BRINP3: variants seen among roughly 807,000 people sequenced by gnomAD.
BRINP3 encodes the protein BMP/retinoic acid inducible neural specific 3.
BRINP3 carries 19 observed loss-of-function variants against 71.0 expected under a neutral mutation model. The observed-to-expected ratio is 0.27, with a 90% CI of 0.19 to 0.39. The LOEUF (loss-of-function observed/expected upper bound fraction) is 0.39. Ranked by LOEUF, BRINP3 falls within the 10% of genes least tolerant of loss-of-function variation. BRINP3 has a pLI of 1.00. For missense variants in BRINP3, 959 were observed against 940.8 expected, an observed-to-expected ratio of 1.02 and a Z score of -0.25; for synonymous variants, 380 against 337.7, an observed-to-expected ratio of 1.13 and a Z score of -1.37.
intron 4 of BRINP3, among the ~76,000 whole-genome samples, chr1:190,237,765 A>G (rs1034396014): frequency 6.6e-6 from 1 of 152,024 alleles, no homozygotes; most frequent in African/African-American, 2.4e-5. Context: ...GGTTATATCA[A>G]AGTAACTTCT....
chr1:190,112,128 T>C (rs1281094832), intron 7 of BRINP3, among the ~76,000 whole-genome samples: 2 of 152,052 alleles, frequency 1.3e-5, no homozygotes, highest in African/African-American at 4.8e-5. Context: ...ACATATAACT[T>C]AGTACAACAA....
intron 2 of BRINP3, among the ~76,000 whole-genome samples, chr1:190,338,574 A>G (rs1342399382): frequency 6.6e-6 from 1 of 152,072 alleles, no homozygotes; most frequent in East Asian, 1.9e-4. Flanking sequence ...AAAACAAATG[A>G]TGCATATCAA....
chr1:190,186,097 T>C (rs1653493627), intron 6 of BRINP3, among the ~76,000 whole-genome samples: 1 of 152,112 alleles, frequency 6.6e-6, no homozygotes, highest in Non-Finnish European at 1.5e-5. Context: ...AAGTAAAGGC[T>C]GGTCACGGTG....
intron 2 of BRINP3, among the ~76,000 whole-genome samples, chr1:190,398,973 G>A (rs1671755757): frequency 6.6e-6 from 1 of 151,856 alleles, no homozygotes; most frequent in Non-Finnish European, 1.5e-5. Flanking sequence ...TTAAAGAGTG[G>A]TCATATGTCC....
At chr1:190,272,150 G>A (rs916217490) in intron 3 of BRINP3, among the ~76,000 whole-genome samples, 2 of 151,606 alleles carry the variant, frequency 1.3e-5, no homozygotes, top group Admixed American at 1.3e-4. Context: ...AGATTAATAT[G>A]ACTTCTTACT....
At chr1:190,345,393 A>C (rs1324520589) in intron 2 of BRINP3, among the ~76,000 whole-genome samples, 1 of 151,850 alleles carries the variant, frequency 6.6e-6, no homozygotes, top group Non-Finnish European at 1.5e-5. Flanking sequence ...ACCTGGAATC[A>C]GGAAGAACAT....
intron 2 of BRINP3, among the ~76,000 whole-genome samples, chr1:190,445,993 T>A (rs1258038956): frequency 6.6e-6 from 1 of 152,156 alleles, no homozygotes; most frequent in Admixed American, 6.5e-5. Context: ...AAATTATTAC[T>A]TATAAATTGT....
At chr1:190,442,801 C>CGT (rs35183761) in intron 2 of BRINP3, among the ~76,000 whole-genome samples, 3,208 of 132,724 alleles carry the variant, frequency 0.024, 134 homozygotes, top group African/African-American at 0.07. Context: ...CATGCCTGTG[C>CGT]GTGTGTGTGT....
intron 6 of BRINP3, among the ~76,000 whole-genome samples, chr1:190,182,296 C>G (rs1219133422): frequency 1.3e-5 from 2 of 152,004 alleles, no homozygotes; most frequent in Non-Finnish European, 2.9e-5. Flanking sequence ...TTTTCCTCTT[C>G]TTGCAGGCTT....
chr1:190,121,420 T>TACATACATAGTGA (rs1653647940), intron 7 of BRINP3, among the ~76,000 whole-genome samples: 1 of 152,118 alleles, frequency 6.6e-6, no homozygotes, highest in Admixed American at 6.6e-5. Context: ...TTAAGGTAAC[T>TACATACATAGTGA]TAAAACAAAG....
chr1:190,351,699 A>G (rs1668396786), intron 2 of BRINP3, among the ~76,000 whole-genome samples: 2 of 152,116 alleles, frequency 1.3e-5, no homozygotes, highest in Admixed American at 1.3e-4. Flanking sequence ...TATGTAGGCT[A>G]TCATAGATTC....
intron 2 of BRINP3, among the ~76,000 whole-genome samples, chr1:190,417,867 AGTT>A (rs1673112011): frequency 6.6e-6 from 1 of 152,234 alleles, no homozygotes; most frequent in African/African-American, 2.4e-5. Flanking sequence ...TTACAAAAAT[AGTT>A]GTTTCCTTTT....
In BRINP3 at chr1:190,378,009, CAT is replaced by C. The variant is rs556904402; in HGVS notation, c.236+76644_236+76645del. ...CAAATACCCACAGCATTTTTGCAAA[CAT>C]ATGAAAACTCATCCTAAAATTAATA... On this transcript the variant is annotated intron_variant, in intron 2 of 7. Coordinates refer to ENST00000367462, the MANE Select transcript of BRINP3 (RefSeq NM_199051.3). 1.9e-3 allele frequency among the ~76,000 whole-genome samples: 286 copies of C among 152,108 alleles called. 4 individuals carry two copies. Among genetic ancestry groups the C allele is most frequent in the African/African-American group, 6.7e-3 (278 of 41,518 alleles).
intron 1 of BRINP3, 64 bp from the exon 2 acceptor site, chr1:190,455,004 T>C: frequency 1.4e-6 from 1 of 712,062 alleles, no homozygotes; most frequent in African/African-American, 1.8e-5. Context: ...GTTAAGGTGT[T>C]GAGGTGGCTA....
At chr1:190,308,257 G>A (rs889359884) in intron 2 of BRINP3, among the ~76,000 whole-genome samples, 1 of 151,802 alleles carries the variant, frequency 6.6e-6, no homozygotes, top group Non-Finnish European at 1.5e-5. Flanking sequence ...CTTTTGAGAA[G>A]ACATAAGAAC....
At chr1:190,467,374 G>T (rs1459132103) in intron 1 of BRINP3, among the ~76,000 whole-genome samples, 2 of 151,424 alleles carry the variant, frequency 1.3e-5, no homozygotes, top group African/African-American at 4.8e-5. Flanking sequence ...TAAAAAAAGG[G>T]TCAAAAACAG....
chr1:190,345,110 G>C (rs1482272120), intron 2 of BRINP3, among the ~76,000 whole-genome samples: 1 of 151,734 alleles, frequency 6.6e-6, no homozygotes, highest in African/African-American at 2.4e-5. Context: ...CCTTGTTCAT[G>C]TATGCACACC....
chr1:190,414,028 T>G (rs954540090), intron 2 of BRINP3, among the ~76,000 whole-genome samples: 1 of 152,118 alleles, frequency 6.6e-6, no homozygotes, highest in East Asian at 1.9e-4. Context: ...AGTGGTGTGA[T>G]CATAGGTTAC....
At chr1:190,102,691 G>A (rs1651804311) in intron 7 of BRINP3, among the ~76,000 whole-genome samples, 1 of 152,006 alleles carries the variant, frequency 6.6e-6, no homozygotes, top group Non-Finnish European at 1.5e-5. Flanking sequence ...TACAGATTAT[G>A]GAGGAACAGA....
Sources: allele counts gnomAD v4.1 joint callset (sites outside exome capture counted in the v4.1 genomes callset), GRCh38; gene constraint gnomAD v4.1.1; transcripts MANE v1.5; gene names NCBI Gene and HGNC (gene_info 2026-07-23, HGNC 2026-07-21).